The following RMDN2 variants were observed in gnomAD, a reference collection of about 807,000 sequenced individuals.
RMDN2 encodes regulator of microtubule dynamics 2.
RMDN2 carries 61 observed loss-of-function variants against 52.8 expected under a neutral mutation model. The observed-to-expected ratio is 1.16, with a 90% confidence interval of 0.94 to 1.43. The LOEUF is 1.43. Ranked by LOEUF, RMDN2 falls within the 40% of genes most tolerant of loss-of-function variation. The pLI, the probability that RMDN2 is intolerant of heterozygous loss-of-function variation, is 0.00. For synonymous variants in RMDN2, 180 were observed against 153.1 expected (o/e 1.18, Z -1.30); for missense variants, 592 against 475.3 (o/e 1.25, Z -2.28).
At chr2:37,996,077 G>C (rs931035848) in intron 7 of RMDN2, among the ~76,000 whole-genome samples, 3 of 152,100 alleles carry the variant, frequency 2.0e-5, no homozygotes, top group African/African-American at 7.2e-5. Flanking sequence ...GTGCTCCACT[G>C]TTGAAATGAT....
intron 10 of RMDN2, among the ~76,000 whole-genome samples, chr2:38,048,506 T>C (rs1386582946): frequency 6.6e-6 from 1 of 152,236 alleles, no homozygotes; most frequent in Non-Finnish European, 1.5e-5. Context: ...AGAGCTATTG[T>C]GTCCTAGAAA....
chr2:37,928,645 A>C (rs1308469548), intron 1 of RMDN2: 2 of 152,220 alleles, frequency 1.3e-5, no homozygotes, highest in Non-Finnish European at 2.9e-5. Context: ...TCTGCCTTTT[A>C]TGACTATGAA....
chr2:38,006,069 T>G (rs544004006), intron 10 of RMDN2, among the ~76,000 whole-genome samples: 25 of 152,332 alleles, frequency 1.6e-4, no homozygotes, highest in Admixed American at 2.6e-4. Context: ...TATATCTCTG[T>G]TTTGGTACCA....
In RMDN2 at chr2:37,929,495, T is replaced by C; in HGVS notation, c.218T>C (p.Leu73Pro). ...ACAGTAATCTTTCAAGAAAGGCAAC[T>C]TCAGATACTGGAGAAGTTAAACGAA... ...GTTVIFQERQ[L>P]QILEKLNELL... The change falls in exon 2 of 11, where the codon CTT becomes CCT. Residue 73 changes from leucine (L) to proline (P), a missense_variant. By Grantham distance (98) the Leu-to-Pro change is moderately conservative. Coordinates refer to ENST00000354545, the MANE Select transcript of RMDN2 (RefSeq NM_001170791.3). 6.4e-7 allele frequency: 1 copy of C among 1,551,592 alleles called. No individual in the cohort carries two copies. Among genetic ancestry groups the C allele is most frequent in the Non-Finnish European group, 8.7e-7 (1 of 1,146,808 alleles).
chr2:37,951,684 A>C (rs751527735), intron 2 of RMDN2: 7 of 1,612,930 alleles, frequency 4.3e-6, no homozygotes, highest in Non-Finnish European at 5.9e-6. Context: ...GTTTAATCTA[A>C]ATGAAATCGA....
intron 6 of RMDN2, among the ~76,000 whole-genome samples, chr2:37,990,518 CAAAAAAAA>C (rs397812186): frequency 5.3e-5 from 2 of 37,580 alleles, no homozygotes. Flanking sequence ...GACTCCATCT[CAAAAAAAA>C]AAAAAAAAAA....
At chr2:37,967,864 A>G (rs933262086) in intron 2 of RMDN2, among the ~76,000 whole-genome samples, 1 of 152,202 alleles carries the variant, frequency 6.6e-6, no homozygotes, top group Non-Finnish European at 1.5e-5. Context: ...ACAAAAGACA[A>G]CATTGATATG....
chr2:38,013,567 T>G (rs1488667300), intron 10 of RMDN2, among the ~76,000 whole-genome samples: 1 of 152,256 alleles, frequency 6.6e-6, no homozygotes, highest in African/African-American at 2.4e-5. Context: ...GTTTTATGAG[T>G]TGAGAAGCAT....
chr2:37,930,950 C>T (rs1040651506), intron 2 of RMDN2, among the ~76,000 whole-genome samples: 1 of 152,138 alleles, frequency 6.6e-6, no homozygotes, highest in Non-Finnish European at 1.5e-5. Context: ...GGGCAGAGGG[C>T]GGCAGGAGCA....
intron 10 of RMDN2, among the ~76,000 whole-genome samples, chr2:38,057,956 A>G (rs1209655787): frequency 1.1e-4 from 16 of 152,202 alleles, no homozygotes. Flanking sequence ...TGCTTTATAA[A>G]TTACCCAGTC....
intron 10 of RMDN2, among the ~76,000 whole-genome samples, chr2:38,055,457 C>T (rs538230080): frequency 1.3e-5 from 2 of 152,282 alleles, no homozygotes; most frequent in East Asian, 1.9e-4. Context: ...CCTTACTCAA[C>T]TGTGTCCTAT....
At chr2:37,935,460 G>T (rs1553346129) in intron 2 of RMDN2, among the ~76,000 whole-genome samples, 1 of 152,230 alleles carries the variant, frequency 6.6e-6, no homozygotes, top group Non-Finnish European at 1.5e-5. Context: ...GAAGCTCATT[G>T]TGTGGTGATT....
At chr2:38,017,061 C>A in intron 10 of RMDN2, 125 bp from the exon 11 acceptor site, 1 of 427,588 alleles carries the variant, frequency 2.3e-6, no homozygotes, top group Non-Finnish European at 4.1e-6. Context: ...ATTGCACGTA[C>A]CCTCATGAAC....
chr2:38,017,755 C>G (rs1411708064), downstream of RMDN2: 1 of 324,076 alleles, frequency 3.1e-6, no homozygotes, highest in Non-Finnish European at 5.9e-6. Flanking sequence ...CTAGCTTTCA[C>G]TCGTGTCCAT....
chr2:38,004,256 A>G, intron 10 of RMDN2, 40 bp downstream of exon 10: 1 of 1,395,168 alleles, frequency 7.2e-7, no homozygotes, highest in Non-Finnish European at 1.0e-6. Context: ...TTGTCTTGTT[A>G]GTACTATTCG....
chr2:37,987,238 T>C (rs576618831), intron 5 of RMDN2, among the ~76,000 whole-genome samples: 1 of 151,350 alleles, frequency 6.6e-6, no homozygotes, highest in Non-Finnish European at 1.5e-5. Context: ...AATATTGAAA[T>C]ACATAGATGA....
chr2:37,976,291 C>T (rs1672457484), intron 4 of RMDN2: 1 of 152,176 alleles, frequency 6.6e-6, no homozygotes, highest in Non-Finnish European at 1.5e-5. Context: ...TTGACTCTTA[C>T]TGGATGTCAA....
At chr2:38,051,886 G>A (rs1681623789) in intron 10 of RMDN2, among the ~76,000 whole-genome samples, 1 of 151,980 alleles carries the variant, frequency 6.6e-6, no homozygotes, top group African/African-American at 2.4e-5. Flanking sequence ...GTATTCCATT[G>A]GGTATATACC....
chr2:37,975,306 C>T lies in RMDN2; in HGVS notation c.722C>T (p.Ala241Val). ...AACACACAAGAAAAGAAACATTATG[C>T]TAATATTGGTAAGCATTTTGTAAAG... Reference protein sequence around the residue: ...STNTQEKKHYANIGKTLSERA... With the variant: ...STNTQEKKHYVNIGKTLSERA... The change falls in exon 4 of 11, where the codon GCT (alanine) becomes GTT (valine). Residue 241 changes from alanine (A) to valine (V), a missense_variant. Coordinates refer to ENST00000354545, the MANE Select transcript of RMDN2 (RefSeq NM_001170791.3). 2 of 1,555,506 alleles carry T rather than the reference C, an allele frequency of 1.3e-6. No individual in the cohort carries two copies. Among genetic ancestry groups the T allele is most frequent in the Non-Finnish European group, 1.8e-6 (2 of 1,127,628 alleles).
Sources: allele counts gnomAD v4.1 joint callset (sites outside exome capture counted in the v4.1 genomes callset), GRCh38; gene constraint gnomAD v4.1.1; transcripts MANE v1.5; gene names NCBI Gene and HGNC (gene_info 2026-07-23, HGNC 2026-07-21).